Variants in STRN observed in about 807,000 individuals in gnomAD.
STRN encodes the protein striatin.
In STRN, 53 loss-of-function variants were observed where a neutral mutation model predicts 96.3. That is an observed-to-expected ratio of 0.55 (90% CI 0.44 to 0.69). STRN has a LOEUF of 0.69. STRN is among the 30% of genes least tolerant of loss of function. The pLI is 0.00. For synonymous variants in STRN, 428 were observed against 355.9 expected, an observed-to-expected ratio of 1.20 and a Z score of -2.28; for missense variants, 987 against 963.9, an observed-to-expected ratio of 1.02 and a Z score of -0.32.
intron 10 of STRN, among the ~76,000 whole-genome samples, chr2:36,874,171 G>A (rs1371091952): frequency 1.3e-5 from 2 of 151,894 alleles, no homozygotes; most frequent in African/African-American, 4.8e-5. Context: ...GGCTGAGGCA[G>A]GAGAAGGGCG....
intron 10 of STRN, among the ~76,000 whole-genome samples, chr2:36,877,661 T>G (rs1314124132): frequency 1.4e-5 from 2 of 141,882 alleles, no homozygotes; most frequent in African/African-American, 6.3e-5. Context: ...ATAGCCCCCC[T>G]AGTAGCTGGG....
intron 1 of STRN, among the ~76,000 whole-genome samples, chr2:36,927,099 T>G (rs1258691068): frequency 6.6e-6 from 1 of 152,206 alleles, no homozygotes; most frequent in Non-Finnish European, 1.5e-5. Context: ...TTGGCTAGTT[T>G]TGCATTTCTG....
intron 12 of STRN, among the ~76,000 whole-genome samples, chr2:36,866,023 G>T: frequency 6.6e-6 from 1 of 152,092 alleles, no homozygotes; most frequent in East Asian, 1.9e-4. Context: ...TCAGGAGCTG[G>T]TTAATTTCCA....
chr2:36,893,240 T>C (rs1404056877), intron 7 of STRN, among the ~76,000 whole-genome samples: 1 of 152,172 alleles, frequency 6.6e-6, no homozygotes, highest in Non-Finnish European at 1.5e-5. Context: ...GATTTCTTTA[T>C]ATATGTTACA....
At chr2:36,905,426 C>T in intron 4 of STRN, 114 bp downstream of exon 4, 1 of 897,628 alleles carries the variant, frequency 1.1e-6, no homozygotes, top group Non-Finnish European at 1.8e-6. Flanking sequence ...AGCTTTTTCA[C>T]AGCATCTGTA....
Position 36,842,738 on chromosome 2 carries a change from T to C in STRN, c.*6718A>G, listed in dbSNP as rs1022529071. On this transcript the variant is annotated 3_prime_UTR_variant, in exon 18 of 18. Coordinates refer to ENST00000263918, the MANE Select transcript of STRN (RefSeq NM_003162.4). ...TTTATGTTTGGTGGGTTTTGAATCATTTGATATACAAAACTTACTGAGTTA... is the reference window on the plus strand; with the variant it reads ...TTTATGTTTGGTGGGTTTTGAATCACTTGATATACAAAACTTACTGAGTTA... Among the ~76,000 whole-genome samples the C allele has an allele frequency of 3.0e-4, 46 of 152,186 alleles. No homozygotes were observed. The highest frequency in any genetic ancestry group is 1.0e-3 in the African/African-American group (42 of 41,446).
Position 36,837,851 on chromosome 2 carries a change from A to G in STRN, c.*11605T>C, listed in dbSNP as rs1308554272. Among the ~76,000 whole-genome samples, 1 of 152,246 alleles carries G rather than the reference A, an allele frequency of 6.6e-6. No individual in the cohort carries two copies. The highest frequency in any genetic ancestry group is 1.5e-5 in the Non-Finnish European group (1 of 68,038). On this transcript the variant is annotated 3_prime_UTR_variant, in exon 18 of 18. Transcript: ENST00000263918. ...ACAAAATGCTTTCACAAACTAGTTA[A>G]CTAAAAAGACAAACGGTACAAACAT...
intron 6 of STRN, among the ~76,000 whole-genome samples, chr2:36,898,066 T>C (rs1669591288): frequency 1.3e-5 from 2 of 152,184 alleles, no homozygotes; most frequent in African/African-American, 2.4e-5. Context: ...CAACAGTCTA[T>C]GGTTTAGGAA....
intron 1 of STRN, among the ~76,000 whole-genome samples, chr2:36,946,112 T>C (rs1334484287): frequency 1.3e-5 from 2 of 151,784 alleles, no homozygotes; most frequent in Non-Finnish European, 2.9e-5. Flanking sequence ...AAAAGAGAGG[T>C]ATAAATACCG....
chr2:36,957,487 C>G (rs558076028), intron 1 of STRN, among the ~76,000 whole-genome samples: 52 of 152,040 alleles, frequency 3.4e-4, no homozygotes, highest in Non-Finnish European at 6.2e-4. Flanking sequence ...ACTCCGGAGG[C>G]TGAGGCACAA....
At chr2:36,880,340 T>A (rs1305494831) in intron 9 of STRN, among the ~76,000 whole-genome samples, 1 of 152,166 alleles carries the variant, frequency 6.6e-6, no homozygotes, top group Non-Finnish European at 1.5e-5. Context: ...CTGGAAGGCT[T>A]GAGGCAGGAG....
At chr2:36,928,630 C>T (rs1214633307) in intron 1 of STRN, among the ~76,000 whole-genome samples, 4 of 142,846 alleles carry the variant, frequency 2.8e-5, no homozygotes, top group Non-Finnish European at 4.5e-5. Context: ...CCAGCCTGGG[C>T]GACACAGTGA....
chr2:36,957,832 C>G (rs1234738874), intron 1 of STRN, among the ~76,000 whole-genome samples: 1 of 135,240 alleles, frequency 7.4e-6, no homozygotes, highest in Non-Finnish European at 1.5e-5. Flanking sequence ...CTCACTGCAA[C>G]CTCTGCCTCC....
rs555419542 is a variant in STRN at position 36,872,220 on chromosome 2, T to C, written c.1324-2491A>G. Among the ~76,000 whole-genome samples the C allele has an allele frequency of 1.1e-3, 168 of 152,354 alleles. 2 individuals are homozygous for C. The South Asian group carries it at 0.034, about 31-fold the overall frequency. ...ATAACAAGTTGTAACATCTTCCATC[T>C]TGGGTATTCTTGCTCTCTCTCTTTT... On this transcript the variant is annotated intron_variant, in intron 10 of 17. Transcript: ENST00000263918.
intron 1 of STRN, among the ~76,000 whole-genome samples, chr2:36,961,856 A>G (rs1202380531): frequency 6.6e-6 from 1 of 152,044 alleles, no homozygotes; most frequent in Non-Finnish European, 1.5e-5. Context: ...CCTCTACTCT[A>G]GCCACTTTTC....
At chr2:36,890,675 G>C (rs944498873) in intron 7 of STRN, among the ~76,000 whole-genome samples, 1 of 151,732 alleles carries the variant, frequency 6.6e-6, no homozygotes, top group African/African-American at 2.4e-5. Flanking sequence ...GTAGAGATGG[G>C]GTTTCACCAG....
At chr2:36,930,031 ATATCTAT>A (rs1670530139) in intron 1 of STRN, among the ~76,000 whole-genome samples, 1 of 152,224 alleles carries the variant, frequency 6.6e-6, no homozygotes, top group Non-Finnish European at 1.5e-5. Flanking sequence ...TCTATAAACT[ATATCTAT>A]TCCCTCTGAA....
At position 36,848,067 on chromosome 2, in the gene STRN, A is replaced by T. The variant is rs1267324604; in HGVS notation, c.*1389T>A. The T allele has an allele frequency of 2.6e-5, 4 of 152,196 alleles. No individual in the cohort carries two copies. The highest frequency in any genetic ancestry group is 5.9e-5 in the Non-Finnish European group (4 of 68,032). The allele number at this position is 152,196 out of a possible 1,614,324, so 9.4% of individuals were successfully genotyped here. On this transcript the variant is annotated 3_prime_UTR_variant, in exon 18 of 18. Coordinates refer to ENST00000263918, the MANE Select transcript of STRN (RefSeq NM_003162.4). The stretch of plus-strand genomic sequence containing the variant: ...CTTTATGACAGGAGACTAGGTCTAG[A>T]TAGCAGGGTCTTCAGAATCCCAAAA...
At position 36,966,299 on chromosome 2, in the gene STRN, G is replaced by A. The variant is rs755553487; in HGVS notation, c.165C>T (p.Phe55=). The change falls in exon 1 of 18, where the codon TTC becomes TTT. Residue 55 remains phenylalanine, a synonymous_variant. Coordinates refer to ENST00000263918, the MANE Select transcript of STRN (RefSeq NM_003162.4). The part of the protein sequence containing the change: ...AQYSLPGILH[F]LQHEWARFEV... ...CGAAGCGGGCCCACTCGTGCTGCAG[G>A]AAGTGCAGGATCCCCGGGAGACTGT... is the stretch of plus-strand genomic sequence containing the variant. 2.4e-5 allele frequency: 38 copies of A among 1,576,704 alleles called. No homozygotes were observed. The highest frequency in any genetic ancestry group is 3.3e-5 in the Non-Finnish European group (38 of 1,164,118).
Sources: allele counts gnomAD v4.1 joint callset (sites outside exome capture counted in the v4.1 genomes callset), GRCh38; gene constraint gnomAD v4.1.1; transcripts MANE v1.5; gene names NCBI Gene and HGNC (gene_info 2026-07-23, HGNC 2026-07-21).